ACTR3: variants seen among roughly 807,000 people sequenced by gnomAD.
The protein encoded by ACTR3 is actin related protein 3, also known as actin-related protein 3.
ACTR3 carries 12 observed loss-of-function variants against 56.8 expected under a neutral mutation model. The observed-to-expected ratio is 0.21, with a 90% CI of 0.14 to 0.34. The LOEUF (loss-of-function observed/expected upper bound fraction) is 0.34, where lower values mean the gene tolerates loss of function less well. Among genes scored for constraint, ACTR3 ranks in the 10% least tolerant of loss-of-function variants. The probability of loss-of-function intolerance (pLI) is 1.00; values close to 1 mark genes in which losing one functional copy is unlikely to be tolerated. For missense variants in ACTR3, 282 were observed against 512.5 expected, an observed-to-expected ratio of 0.55 and a Z score of 4.34; for synonymous variants, 162 against 167.4, an observed-to-expected ratio of 0.97 and a Z score of 0.25.
At chr2:113,908,145 A>G (rs1574355502) in intron 1 of ACTR3, among the ~76,000 whole-genome samples, 1 of 151,906 alleles carries the variant, frequency 6.6e-6, no homozygotes, top group Admixed American at 6.6e-5. Flanking sequence ...AAATATTTGA[A>G]CTTTGTGTCA....
At chr2:113,928,200 G>C (rs986171402) in intron 4 of ACTR3, among the ~76,000 whole-genome samples, 2 of 152,068 alleles carry the variant, frequency 1.3e-5, no homozygotes, top group Non-Finnish European at 2.9e-5. Context: ...TCAATATTCT[G>C]TGTCTTTCGG....
intron 1 of ACTR3, among the ~76,000 whole-genome samples, chr2:113,906,961 G>A (rs1001410626): frequency 5.9e-5 from 9 of 152,004 alleles, no homozygotes; most frequent in Non-Finnish European, 1.3e-4. Flanking sequence ...ATGTTAGGAT[G>A]GATTTTTCTA....
intron 1 of ACTR3, chr2:113,890,661 C>T: frequency 7.5e-6 from 9 of 1,199,620 alleles, no homozygotes; most frequent in Non-Finnish European, 9.3e-6. Flanking sequence ...GGTCCCCGGG[C>T]CCGACCCATC....
In ACTR3 at chr2:113,940,761, GT is replaced by G. The variant is rs925677722; in HGVS notation, c.684+672del. On this transcript the variant is annotated intron_variant, in intron 7 of 11. Transcript: ENST00000263238. ...TAACTTACTTGTCTCTGTTTCCATG[GT>G]TTTTTTTTTTTTAATTACCTGTAAA... Among the ~76,000 whole-genome samples, 268 of 136,894 alleles carry G rather than the reference GT, an allele frequency of 2.0e-3. 1 individual carries two copies. Among genetic ancestry groups the G allele is most frequent in the South Asian group, 2.1e-3 (9 of 4,330 alleles). 89.8% of individuals were successfully genotyped at this position (136,894 alleles called of 152,430 possible). A position where few individuals can be genotyped will look rare whatever the true frequency, so the allele number is the denominator to read the frequency against.
In ACTR3 at chr2:113,934,352, A is replaced by G. The variant is rs1438894708; in HGVS notation, c.506A>G (p.Asp169Gly). The G allele has an allele frequency of 6.2e-7, 1 of 1,605,514 alleles. No individual in the cohort carries two copies. ...GERTLTGTVI[D>G]SGDGVTHVIP... Reference sequence around the variant, plus strand: ...CGGACGTTGACCGGTACGGTAATAGACAGTGGAGATGGTGTCACTCATGTC... The same window carrying G: ...CGGACGTTGACCGGTACGGTAATAGGCAGTGGAGATGGTGTCACTCATGTC... Residue 169 changes from aspartate (D) to glycine (G), a missense_variant, in exon 6 of 12, where the codon GAC becomes GGC. Physicochemically the swap from Asp to Gly is moderately conservative, Grantham distance 94 (BLOSUM62 -1). Transcript: ENST00000263238.
intron 6 of ACTR3, among the ~76,000 whole-genome samples, chr2:113,939,452 A>ACCATGC (rs1021882496): frequency 1.9e-4 from 29 of 152,224 alleles, no homozygotes; most frequent in African/African-American, 7.0e-4. Flanking sequence ...TAATTTTGCC[A>ACCATGC]CACTATTTGT....
chr2:113,915,774 C>T (rs918130613), intron 2 of ACTR3, among the ~76,000 whole-genome samples: 1 of 152,134 alleles, frequency 6.6e-6, no homozygotes, highest in Non-Finnish European at 1.5e-5. Flanking sequence ...AAGTCTTTGC[C>T]ATGACTAGTT....
chr2:113,918,438 C>A (rs1389074259), intron 3 of ACTR3, among the ~76,000 whole-genome samples: 1 of 147,230 alleles, frequency 6.8e-6, no homozygotes, highest in Admixed American at 6.8e-5. Context: ...GGATGGAGTT[C>A]AGTGGCATGA....
chr2:113,931,186 TTTAA>T (rs1679717673), intron 4 of ACTR3, 111 bp from the exon 5 acceptor site: 1 of 591,806 alleles, frequency 1.7e-6, no homozygotes, highest in African/African-American at 1.9e-5. Context: ...TACTTGTAAA[TTTAA>T]TGCATTTTAA....
At chr2:113,913,150 T>C (rs1273918299) in intron 1 of ACTR3, 22 bp from the exon 2 acceptor site, 4 of 1,478,794 alleles carry the variant, frequency 2.7e-6, no homozygotes, top group Non-Finnish European at 3.7e-6. Context: ...GTGAAATCTT[T>C]ATAAATTATT....
At chr2:113,947,928 C>CT (rs917471167) in intron 8 of ACTR3, among the ~76,000 whole-genome samples, 7 of 151,506 alleles carry the variant, frequency 4.6e-5, no homozygotes, top group Non-Finnish European at 8.8e-5. Flanking sequence ...GTTTTGTTTT[C>CT]TTTTTTTTAA....
At position 113,934,282 on chromosome 2, in the gene ACTR3, G is replaced by A. The variant is rs1205711298; in HGVS notation, c.436G>A (p.Val146Ile). 3.9e-6 allele frequency: 6 copies of A among 1,543,622 alleles called. No individual in the cohort carries two copies. Among genetic ancestry groups the A allele is most frequent in the Non-Finnish European group, 1.7e-6 (2 of 1,148,390 alleles). ...VPGLYIAVQA[V>I]LALAASWTSR... ...TTCTTCTTTCTTTGTGCTCAAGGCT[G>A]TTCTTGCCTTAGCTGCATCTTGGAC... The change falls in exon 6 of 12, where the codon GTT (valine) becomes ATT (isoleucine). Residue 146 changes from valine (V) to isoleucine (I), a missense_variant. By Grantham distance (29) the Val-to-Ile change is conservative. Transcript: ENST00000263238.
rs1680255147 is a variant in ACTR3, at chr2:113,958,049, G to A, written c.*594G>A. 6.6e-6 allele frequency: 1 copy of A among 152,438 alleles called. No individual in the cohort carries two copies. The highest frequency in any genetic ancestry group is 1.5e-5 in the Non-Finnish European group (1 of 68,128). 9.4% of individuals were successfully genotyped at this position (152,438 alleles called of 1,614,324 possible). A position where few individuals can be genotyped will look rare whatever the true frequency, so the allele number is the denominator to read the frequency against. On this transcript the variant is annotated 3_prime_UTR_variant, in exon 12 of 12. Coordinates refer to ENST00000263238, the MANE Select transcript of ACTR3 (RefSeq NM_005721.5). ...CAAGTGCTTTTGGAACTAAGAGCTA[G>A]TATCTTGGATTAACTGATGCCTGCT... is the stretch of plus-strand genomic sequence containing the variant.
At position 113,942,283 on chromosome 2, in the gene ACTR3, C is replaced by T; in HGVS notation, c.782C>T (p.Ala261Val). The change falls in exon 8 of 12, where the codon GCT becomes GTT. Residue 261 changes from alanine to valine, a missense_variant. Transcript: ENST00000263238. ...KWIKQYTGIN[A>V]ISKKEFSIDV... ...ATTAAACAGTATACTGGAATCAATG[C>T]TATCTCAAAGAAAGAGTTTTCTATC... 1 of 1,603,962 alleles carries T rather than the reference C, an allele frequency of 6.2e-7. No homozygotes were observed. Among genetic ancestry groups the T allele is most frequent in the Admixed American group, 1.7e-5 (1 of 57,860 alleles).
chr2:113,904,209 T>A (rs1679152653), intron 1 of ACTR3: 1 of 152,242 alleles, frequency 6.6e-6, no homozygotes, highest in Admixed American at 6.5e-5. Flanking sequence ...TGAAGCTCTT[T>A]CCTTTTTCCT....
intron 6 of ACTR3, among the ~76,000 whole-genome samples, chr2:113,938,777 G>A (rs1447838477): frequency 6.6e-6 from 1 of 152,082 alleles, no homozygotes; most frequent in Non-Finnish European, 1.5e-5. Context: ...CCAGCTCCCT[G>A]TTGGTTCAAC....
intron 1 of ACTR3, among the ~76,000 whole-genome samples, chr2:113,895,998 A>G (rs1186698030): frequency 1.3e-5 from 2 of 151,902 alleles, no homozygotes; most frequent in Non-Finnish European, 2.9e-5. Flanking sequence ...AGCTGGGACT[A>G]CAGGCACATG....
intron 1 of ACTR3, among the ~76,000 whole-genome samples, chr2:113,892,746 TACTC>T (rs2104576337): frequency 6.6e-6 from 1 of 152,338 alleles, no homozygotes; most frequent in African/African-American, 2.4e-5. Flanking sequence ...AAATTACAAT[TACTC>T]ACTTAGTTTA....
At chr2:113,917,267 C>T (rs963161791) in intron 3 of ACTR3, among the ~76,000 whole-genome samples, 2 of 151,804 alleles carry the variant, frequency 1.3e-5, no homozygotes, top group South Asian at 2.1e-4. Context: ...TCTCAGGGCC[C>T]TCAATAAAAT....
Sources: gnomAD v4.1 joint callset for allele counts (sites outside exome capture counted in the v4.1 genomes callset) on GRCh38, gnomAD v4.1.1 for gene constraint, MANE v1.5 for transcripts, NCBI Gene and HGNC (gene_info 2026-07-23, HGNC 2026-07-21) for gene names.